Variants in GRM7 observed in about 807,000 individuals in gnomAD.
GRM7 encodes metabotropic glutamate receptor 7.
A neutral mutation model predicts 84.5 loss-of-function variants in GRM7; 35 were observed. That is an observed-to-expected ratio of 0.41 (90% confidence interval 0.32 to 0.55). GRM7 has a LOEUF of 0.55. Among genes scored for constraint, GRM7 ranks in the 20% least tolerant of loss-of-function variants. The probability of loss-of-function intolerance (pLI) is 0.19; values close to 1 mark genes in which losing one functional copy is unlikely to be tolerated. For synonymous variants in GRM7, 487 were observed against 455.1 expected, an observed-to-expected ratio of 1.07 and a Z score of -0.89; for missense variants, 1,003 against 1,194.6, an observed-to-expected ratio of 0.84 and a Z score of 2.36.
chr3:7,018,683 C>G (rs999943295), intron 1 of GRM7, among the ~76,000 whole-genome samples: 5 of 152,298 alleles, frequency 3.3e-5, no homozygotes, highest in African/African-American at 1.2e-4. Flanking sequence ...AGAGGAAATA[C>G]TTGCTGCTGC....
chr3:7,202,467 A>G (rs1294269544), intron 2 of GRM7, among the ~76,000 whole-genome samples: 1 of 152,046 alleles, frequency 6.6e-6, no homozygotes, highest in East Asian at 1.9e-4. Context: ...AGTGGCTGGG[A>G]TTACAGGCTC....
intron 1 of GRM7, among the ~76,000 whole-genome samples, chr3:6,968,885 C>G (rs373086577): frequency 6.6e-6 from 1 of 152,266 alleles, no homozygotes; most frequent in South Asian, 2.1e-4. Context: ...AGAATATGAG[C>G]CCAGGGTTGT....
chr3:7,045,975 G>A (rs559926445), intron 1 of GRM7, among the ~76,000 whole-genome samples: 11 of 152,082 alleles, frequency 7.2e-5, no homozygotes, highest in Non-Finnish European at 1.3e-4. Context: ...TACCATAACT[G>A]TACCAATTTG....
At chr3:7,722,742 C>G (rs1336552547) in intron 9 of GRM7, among the ~76,000 whole-genome samples, 6 of 151,926 alleles carry the variant, frequency 3.9e-5, no homozygotes, top group Non-Finnish European at 8.8e-5. Context: ...ACGCCCGGCC[C>G]CTTGTGTTTT....
At chr3:7,538,071 AG>A (rs1692651409) in intron 7 of GRM7, among the ~76,000 whole-genome samples, 1 of 152,134 alleles carries the variant, frequency 6.6e-6, no homozygotes, top group Non-Finnish European at 1.5e-5. Context: ...ATGATTAACC[AG>A]GAGTTTCTGC....
chr3:7,199,061 AT>A (rs1695977648), intron 2 of GRM7, among the ~76,000 whole-genome samples: 1 of 152,136 alleles, frequency 6.6e-6, no homozygotes, highest in African/African-American at 2.4e-5. Context: ...ACTGCTATCA[AT>A]TTCTCCCTTC....
intron 1 of GRM7, among the ~76,000 whole-genome samples, chr3:6,880,711 CTCG>C (rs1317567466): frequency 3.3e-5 from 5 of 152,110 alleles, no homozygotes; most frequent in African/African-American, 1.2e-4. Context: ...CCATCTCTCA[CTCG>C]TCTTTGTCAA....
intron 4 of GRM7, among the ~76,000 whole-genome samples, chr3:7,387,928 A>T (rs1397999934): frequency 2.0e-5 from 3 of 152,130 alleles, no homozygotes; most frequent in South Asian, 4.1e-4. Context: ...TGAGCATGGA[A>T]TGATTTTCCA....
At chr3:7,636,938 C>G (rs2125101445) in intron 8 of GRM7, among the ~76,000 whole-genome samples, 1 of 152,268 alleles carries the variant, frequency 6.6e-6, no homozygotes, top group East Asian at 1.9e-4. Flanking sequence ...CAATTATTTC[C>G]TCAAAAAGCA....
At chr3:7,548,971 G>T (rs191487297) in intron 7 of GRM7, among the ~76,000 whole-genome samples, 257 of 152,296 alleles carry the variant, frequency 1.7e-3, no homozygotes, top group Non-Finnish European at 3.0e-3. Context: ...GTACCTGTCT[G>T]GGGTGTCTTA....
chr3:7,051,170 G>A (rs1036297678), intron 1 of GRM7, among the ~76,000 whole-genome samples: 1 of 151,706 alleles, frequency 6.6e-6, no homozygotes, highest in African/African-American at 2.4e-5. Flanking sequence ...TACAATATAA[G>A]GTGTGCAGAA....
At chr3:7,634,134 A>G (rs939323621) in intron 8 of GRM7, among the ~76,000 whole-genome samples, 1 of 152,118 alleles carries the variant, frequency 6.6e-6, no homozygotes, top group Non-Finnish European at 1.5e-5. Flanking sequence ...CCTTCTTTCC[A>G]TGCTCAGAAT....
At chr3:7,559,290 A>C (rs960048635) in intron 7 of GRM7, 1 of 152,378 alleles carries the variant, frequency 6.6e-6, no homozygotes, top group Non-Finnish European at 1.5e-5. Context: ...AAGGGAGGAG[A>C]AACTTTGCTT....
chr3:7,472,940 C>A (rs1154372), intron 7 of GRM7, among the ~76,000 whole-genome samples: 40,713 of 151,978 alleles, frequency 0.27, 5,756 homozygotes, highest in East Asian at 0.38. Flanking sequence ...ACGTGCAGAC[C>A]GTTTCCTCAA....
intron 9 of GRM7, among the ~76,000 whole-genome samples, chr3:7,719,860 A>G (rs1320720000): frequency 6.6e-6 from 1 of 151,790 alleles, no homozygotes; most frequent in African/African-American, 2.4e-5. Context: ...TTCAGCCTAT[A>G]AAACAAGGAC....
At position 7,092,600 on chromosome 3, in the gene GRM7, T is replaced by TG. The variant is rs34531178; in HGVS notation, c.520-53842dup. On this transcript the variant is annotated intron_variant, in intron 1 of 9. Coordinates refer to ENST00000357716, the MANE Select transcript of GRM7 (RefSeq NM_000844.4). The stretch of plus-strand genomic sequence containing the variant: ...TCAGCTGTAAAAATGTTCTTTGAAT[T>TG]GGGGGGGGGGCAATTTAGATTAAAA... 8.3e-3 allele frequency among the ~76,000 whole-genome samples: 1,202 copies of TG among 143,974 alleles called. 5 individuals are homozygous for TG. Among genetic ancestry groups the TG allele is most frequent in the Middle Eastern group, 0.021 (6 of 288 alleles). 94.5% of individuals were successfully genotyped at this position (143,974 alleles called of 152,430 possible).
At chr3:7,161,422 GAA>G (rs75862127) in intron 2 of GRM7, among the ~76,000 whole-genome samples, 1,920 of 134,672 alleles carry the variant, frequency 0.014, 32 homozygotes, top group African/African-American at 0.041. Context: ...GTAATGACCT[GAA>G]AAAAAAAAAA....
chr3:7,202,713 T>A (rs1351961075), intron 2 of GRM7, among the ~76,000 whole-genome samples: 2 of 152,208 alleles, frequency 1.3e-5, no homozygotes, highest in Non-Finnish European at 2.9e-5. Flanking sequence ...TGAACTTTAT[T>A]GAAGATATAA....
chr3:7,376,340 C>G (rs781106702), intron 4 of GRM7, among the ~76,000 whole-genome samples: 2 of 152,184 alleles, frequency 1.3e-5, no homozygotes, highest in Admixed American at 6.5e-5. Context: ...CTTATAGATG[C>G]TATAATCCTC....
Sources: allele counts gnomAD v4.1 joint callset (sites outside exome capture counted in the v4.1 genomes callset), GRCh38; gene constraint gnomAD v4.1.1; transcripts MANE v1.5; gene names NCBI Gene and HGNC (gene_info 2026-07-23, HGNC 2026-07-21).